NADK2: variants seen among roughly 807,000 people sequenced by gnomAD.
NADK2 encodes the protein NAD kinase 2, mitochondrial, also known as NAD kinase domain-containing protein 1, mitochondrial.
Under a neutral mutation model 62.1 loss-of-function variants are expected in NADK2, and 35 were observed. The ratio of observed to expected loss-of-function variants is 0.56; its 90% CI spans 0.43 to 0.75. The LOEUF (loss-of-function observed/expected upper bound fraction) is 0.75, where lower values mean the gene tolerates loss of function less well. Among genes scored for constraint, NADK2 ranks in the 30% least tolerant of loss-of-function variants. The pLI, the probability that NADK2 is intolerant of heterozygous loss-of-function variation, is 0.00. For synonymous variants in NADK2, 205 were observed against 207.9 expected (o/e 0.99, Z 0.12); for missense variants, 439 against 561.3 (o/e 0.78, Z 2.20).
At chr5:36,212,158 C>A in intron 6 of NADK2, 1 of 321,442 alleles carries the variant, frequency 3.1e-6, no homozygotes, top group Non-Finnish European at 5.7e-6. Flanking sequence ...AACCTTAATT[C>A]TTCTTGAAGC....
chr5:36,208,637 G>C (rs1436767144), intron 7 of NADK2: 1 of 1,531,988 alleles, frequency 6.5e-7, no homozygotes, highest in Non-Finnish European at 8.7e-7. Flanking sequence ...TCCCTTTAGA[G>C]TGGGTATACT....
At chr5:36,240,996 G>A (rs1465672913) in intron 1 of NADK2, among the ~76,000 whole-genome samples, 1 of 152,180 alleles carries the variant, frequency 6.6e-6, no homozygotes, top group Non-Finnish European at 1.5e-5. Flanking sequence ...AGAGTAAAAG[G>A]GGGTGTGTCC....
intron 7 of NADK2, chr5:36,208,620 CT>C (rs1323717673): frequency 6.6e-7 from 1 of 1,520,856 alleles, no homozygotes; most frequent in African/African-American, 1.4e-5. Context: ...AGCAATAAAA[CT>C]CACAGTCCCT....
intron 6 of NADK2, 81 bp downstream of exon 6, chr5:36,217,667 T>TCA: frequency 6.4e-7 from 1 of 1,568,350 alleles, no homozygotes; most frequent in Admixed American, 1.7e-5. Context: ...AACAAGTAAA[T>TCA]TATTACATCA....
At chr5:36,229,072 A>G (rs1013506492) in intron 1 of NADK2, among the ~76,000 whole-genome samples, 6 of 152,206 alleles carry the variant, frequency 3.9e-5, no homozygotes, top group Non-Finnish European at 8.8e-5. Flanking sequence ...ATATTTAAAG[A>G]AAATTGAAAT....
rs541328225 is a variant in NADK2 at position 36,224,726 on chromosome 5, C to T, written c.560+816G>A. Among the ~76,000 whole-genome samples, 9 of 152,090 alleles carry T rather than the reference C, an allele frequency of 5.9e-5. No homozygotes were observed. In the East Asian group the frequency reaches 1.5e-3, roughly 26 times the overall value. On this transcript the variant is annotated intron_variant, in intron 4 of 11. Coordinates refer to ENST00000381937, the MANE Select transcript of NADK2 (RefSeq NM_001085411.3). ...TGCTGTTAAGGTAGAAGGCTACAGT[C>T]AGAGTGGAATTAATTAGGATTGTAG...
chr5:36,241,894 A>G lies in NADK2; in HGVS notation c.-96T>C. On this transcript the variant is annotated 5_prime_UTR_variant, in exon 1 of 12. Transcript: ENST00000381937. The surrounding 1 kb of genome is among the most constrained non-coding windows in gnomAD (Gnocchi z 4.9). ...CGCCGTCCGCGCCGCCCGGGCCTCT[A>G]ACTTCGCGCCGGACGGGCAGAGGTT... 2 of 988,724 alleles carry G rather than the reference A, an allele frequency of 2.0e-6. No homozygotes were observed. Among genetic ancestry groups the G allele is most frequent in the Non-Finnish European group, 2.5e-6 (2 of 814,130 alleles). The allele number at this position is 988,724 out of a possible 1,614,324, so 61.2% of individuals were successfully genotyped here. A position where few individuals can be genotyped will look rare whatever the true frequency, so the allele number is the denominator to read the frequency against.
chr5:36,240,769 C>CT (rs1018725685), intron 1 of NADK2, among the ~76,000 whole-genome samples: 3 of 152,138 alleles, frequency 2.0e-5, no homozygotes, highest in Non-Finnish European at 4.4e-5. Context: ...GAGTCGCAGG[C>CT]TTTTTTATTT....
chr5:36,212,637 G>A (rs1233995028), intron 6 of NADK2, among the ~76,000 whole-genome samples: 1 of 152,032 alleles, frequency 6.6e-6, no homozygotes, highest in East Asian at 1.9e-4. Flanking sequence ...ACTGGAAATG[G>A]CAACTCTGTA....
Position 36,197,614 on chromosome 5 carries a change from T to C in NADK2, c.1117A>G (p.Ile373Val), listed in dbSNP as rs1380102211. 1 of 1,610,826 alleles carries C rather than the reference T, an allele frequency of 6.2e-7. No individual in the cohort carries two copies. Among genetic ancestry groups the C allele is most frequent in the East Asian group, 2.2e-5 (1 of 44,766 alleles). Residue 373 changes from isoleucine (I) to valine (V), a missense_variant, in exon 11 of 12, where the codon ATA (isoleucine) becomes GTA (valine). Transcript: ENST00000381937. Reference protein sequence around the residue: ...SLLYSPEEPKILFSIREPIAN... With the variant: ...SLLYSPEEPKVLFSIREPIAN... ...ATTGGTTCTCGAATACTGAAAAGTA[T>C]TTTTGGTTCTTCCGGACTGTAGAGC...
chr5:36,203,848 G>C (rs955978929), intron 8 of NADK2, among the ~76,000 whole-genome samples: 33 of 152,066 alleles, frequency 2.2e-4, no homozygotes, highest in Admixed American at 1.3e-3. Context: ...AATTTATCTT[G>C]ATAATTCTTC....
At position 36,241,018 on chromosome 5, in the gene NADK2, G is replaced by A. The variant is rs565541130; in HGVS notation, c.300+481C>T. On this transcript the variant is annotated intron_variant, in intron 1 of 11. Transcript: ENST00000381937. This position sits in a 1 kb window ranked among gnomAD's most constrained non-coding sequence, Gnocchi z 4.9. ...AAGGGGGTGTGTCCGCGGTTGTTTC[G>A]GCCCTTTTCCCCCGGCAGCCCTCAG... 2.8e-4 allele frequency among the ~76,000 whole-genome samples: 43 copies of A among 152,268 alleles called. No individual in the cohort carries two copies. Among genetic ancestry groups the A allele is most frequent in the Admixed American group, 6.5e-4 (10 of 15,304 alleles).
chr5:36,234,268 G>C (rs552620158), intron 1 of NADK2, among the ~76,000 whole-genome samples: 4 of 150,820 alleles, frequency 2.7e-5, no homozygotes, highest in African/African-American at 9.7e-5. Context: ...AGCTACACGG[G>C]AGGCTGAGGC....
chr5:36,241,830 T>C lies in NADK2; in HGVS notation c.-32A>G, dbSNP rs2112226375. 3 of 1,266,310 alleles carry C rather than the reference T, an allele frequency of 2.4e-6. No homozygotes were observed. The highest frequency in any genetic ancestry group is 3.0e-6 in the Non-Finnish European group (3 of 1,007,220). The allele number at this position is 1,266,310 out of a possible 1,614,324, so 78.4% of individuals were successfully genotyped here. A position where few individuals can be genotyped will look rare whatever the true frequency, so the allele number is the denominator to read the frequency against. On this transcript the variant is annotated 5_prime_UTR_variant, in exon 1 of 12. Transcript: ENST00000381937. The surrounding 1 kb of genome is among the most constrained non-coding windows in gnomAD (Gnocchi z 4.9). ...CCGGGCCGCGGCCGCGGGCTTGGGC[T>C]CGGGCCCCTTGCCTCAGCTCCCTAC... is the stretch of plus-strand genomic sequence containing the variant.
chr5:36,226,586 A>G (rs1465524459), intron 2 of NADK2, 23 bp from the exon 3 acceptor site: 1 of 1,550,402 alleles, frequency 6.4e-7, no homozygotes, highest in South Asian at 1.1e-5. Context: ...AGGAAAGGTT[A>G]TATGAAATTT....
At chr5:36,226,142 T>C (rs144283833) in intron 3 of NADK2, among the ~76,000 whole-genome samples, 60 of 152,324 alleles carry the variant, frequency 3.9e-4, no homozygotes, top group African/African-American at 1.3e-3. Flanking sequence ...CAAAGAGGAA[T>C]AGAATTTACC....
intron 1 of NADK2, among the ~76,000 whole-genome samples, chr5:36,240,638 T>C (rs1213831038): frequency 2.0e-5 from 3 of 152,084 alleles, no homozygotes; most frequent in African/African-American, 7.2e-5. Flanking sequence ...GTTTTTAAAG[T>C]TGGTGGGGGG....
rs1444674196 is a variant in NADK2, at chr5:36,207,035, T to C, written c.956+135A>G. On this transcript the variant is annotated intron_variant, in intron 8 of 11. Coordinates refer to ENST00000381937, the MANE Select transcript of NADK2 (RefSeq NM_001085411.3). ...AGGACTACTAGACCCAAATGATGAA[T>C]GAAACAGAAACTTGGCCTACCTACA... is the stretch of plus-strand genomic sequence containing the variant. 1.3e-5 allele frequency: 9 copies of C among 680,284 alleles called. No homozygotes were observed. In the East Asian group the frequency reaches 2.2e-4, roughly 17 times the overall value. 42.1% of individuals were successfully genotyped at this position (680,284 alleles called of 1,614,324 possible).
chr5:36,233,770 T>C (rs1747796345), intron 1 of NADK2, among the ~76,000 whole-genome samples: 1 of 152,222 alleles, frequency 6.6e-6, no homozygotes. Context: ...TCTCTGATTA[T>C]GGATCACAGT....
Sources: gnomAD v4.1 joint callset for allele counts (sites outside exome capture counted in the v4.1 genomes callset) on GRCh38, gnomAD v4.1.1 for gene constraint, Gnocchi (gnomAD v3.1) non-coding constraint, MANE v1.5 for transcripts, NCBI Gene and HGNC (gene_info 2026-07-23, HGNC 2026-07-21) for gene names.